CCDC83: variants seen among roughly 807,000 people sequenced by gnomAD.
CCDC83 encodes the protein coiled-coil domain-containing protein 83.
Under a neutral mutation model 50.1 loss-of-function variants are expected in CCDC83, and 54 were observed. That is an observed-to-expected ratio of 1.08 (90% CI 0.87 to 1.35). CCDC83 has a LOEUF of 1.35. Among genes scored for constraint, CCDC83 ranks in the 40% most tolerant of loss-of-function variants. CCDC83 has a pLI of 0.00. For missense variants in CCDC83, 518 were observed against 473.9 expected (o/e 1.09, Z -0.86); for synonymous variants, 161 against 153.3 (o/e 1.05, Z -0.37).
intron 2 of CCDC83, among the ~76,000 whole-genome samples, chr11:85,869,986 G>A (rs2093228218): frequency 6.6e-6 from 1 of 152,168 alleles, no homozygotes; most frequent in African/African-American, 2.4e-5. Flanking sequence ...TCCCCACTGA[G>A]GCCTGCTGCT....
intron 2 of CCDC83, among the ~76,000 whole-genome samples, chr11:85,867,701 C>T (rs2093215455): frequency 6.6e-6 from 1 of 152,188 alleles, no homozygotes; most frequent in Admixed American, 6.5e-5. Flanking sequence ...TGGTGACATC[C>T]AGTTAACAGC....
At chr11:85,897,837 T>G (rs1324535727) in intron 6 of CCDC83, among the ~76,000 whole-genome samples, 1 of 152,148 alleles carries the variant, frequency 6.6e-6, no homozygotes, top group Non-Finnish European at 1.5e-5. Flanking sequence ...CAGAAAAATT[T>G]TTATGGCAAA....
rs565646989 is a variant in CCDC83, at chr11:85,916,437, T to C, written c.1080+204T>C. The stretch of plus-strand genomic sequence containing the variant: ...CCAATTTGCTACCTATATTCCTCTA[T>C]AGGCCTCCATTAATAGTATACAAAG... On this transcript the variant is annotated intron_variant, in intron 10 of 10. Transcript: ENST00000342404. 9.0e-6 allele frequency: 5 copies of C among 554,726 alleles called. No individual in the cohort carries two copies. In the Admixed American group the frequency reaches 9.9e-5, roughly 11 times the overall value. The allele number at this position is 554,726 out of a possible 1,614,324, so 34.4% of individuals were successfully genotyped here. A position where few individuals can be genotyped will look rare whatever the true frequency, so the allele number is the denominator to read the frequency against.
At chr11:85,894,328 T>C (rs1303708967) in intron 5 of CCDC83, among the ~76,000 whole-genome samples, 2 of 152,172 alleles carry the variant, frequency 1.3e-5, no homozygotes, top group East Asian at 1.9e-4. Flanking sequence ...TATGGGAAAA[T>C]ACTTTCTGAA....
At chr11:85,885,009 G>A (rs1049135544) in intron 4 of CCDC83, among the ~76,000 whole-genome samples, 6 of 152,128 alleles carry the variant, frequency 3.9e-5, no homozygotes, top group Admixed American at 6.6e-5. Context: ...TCAGGAGTTC[G>A]AGACCAGCCT....
intron 8 of CCDC83, chr11:85,912,660 T>A: frequency 6.2e-7 from 1 of 1,603,396 alleles, no homozygotes. Context: ...TATCCAGTGC[T>A]ACATTCCTGT....
intron 5 of CCDC83, among the ~76,000 whole-genome samples, chr11:85,894,585 A>T (rs2093364165): frequency 6.6e-6 from 1 of 152,166 alleles, no homozygotes; most frequent in African/African-American, 2.4e-5. Context: ...CCTCATACAC[A>T]TCACCACCTG....
In CCDC83 at chr11:85,898,967, C is replaced by T. The variant is rs142469733; in HGVS notation, c.624C>T (p.Asp208=). 6.2e-6 allele frequency: 10 copies of T among 1,612,090 alleles called. No homozygotes were observed. Among genetic ancestry groups the T allele is most frequent in the Non-Finnish European group, 8.5e-6 (10 of 1,178,794 alleles). ...TTTAGAATGCTGTAAAGCTCATTGA[C>T]AAGGGCAGTTATCTAGAGATCTGGG... The part of the protein sequence containing the change: ...WATQNAVKLI[D]KGSYLEIWEN... The change falls in exon 7 of 11, where the codon GAC becomes GAT. Residue 208 remains aspartate, a synonymous_variant. Transcript: ENST00000342404.
chr11:85,860,073 G>A (rs960202952), intron 1 of CCDC83, among the ~76,000 whole-genome samples: 7 of 152,128 alleles, frequency 4.6e-5, no homozygotes, highest in Non-Finnish European at 8.8e-5. Context: ...CAGATCACAA[G>A]GTCAGGAGAT....
chr11:85,895,530 A>G, intron 6 of CCDC83, 146 bp downstream of exon 6: 1 of 547,510 alleles, frequency 1.8e-6, no homozygotes, highest in South Asian at 2.6e-5. Context: ...CATAATATTA[A>G]AAGTTTTGAA....
At chr11:85,900,809 A>G (rs2093397706) in intron 7 of CCDC83, among the ~76,000 whole-genome samples, 1 of 152,178 alleles carries the variant, frequency 6.6e-6, no homozygotes, top group African/African-American at 2.4e-5. Flanking sequence ...TCACACCTCT[A>G]ATCCCAGCAC....
chr11:85,890,214 T>C (rs990911156), intron 5 of CCDC83, among the ~76,000 whole-genome samples: 2 of 152,298 alleles, frequency 1.3e-5, no homozygotes, highest in Middle Eastern at 3.4e-3. Flanking sequence ...AGGGAGTAAG[T>C]GGCTGAGGAG....
intron 7 of CCDC83, among the ~76,000 whole-genome samples, chr11:85,909,067 G>A (rs574248215): frequency 4.5e-4 from 68 of 152,218 alleles, no homozygotes; most frequent in Middle Eastern, 3.4e-3. Context: ...TCAAGTAGTG[G>A]GGACTACAGG....
chr11:85,918,078 T>C (rs1369894101), intron 10 of CCDC83: 1 of 152,202 alleles, frequency 6.6e-6, no homozygotes, highest in Non-Finnish European at 1.5e-5. Flanking sequence ...ATTATATGTA[T>C]TTTGAGAAAT....
In CCDC83 at chr11:85,894,989, T is replaced by C. The variant is rs1259877492; in HGVS notation, c.512-304T>C. Among the ~76,000 whole-genome samples, 3 of 152,218 alleles carry C rather than the reference T, an allele frequency of 2.0e-5. No homozygotes were observed. The East Asian group carries it at 5.8e-4, about 29-fold the overall frequency. On this transcript the variant is annotated intron_variant, in intron 5 of 10. Coordinates refer to ENST00000342404, the MANE Select transcript of CCDC83 (RefSeq NM_001286159.2). ...ATCCTGTGCTTCATTTCTGTCTGTA[T>C]TTCTCACCTGAGCCTAACTTATAAC... is the stretch of plus-strand genomic sequence containing the variant.
chr11:85,897,313 C>G (rs1422213423), intron 6 of CCDC83, among the ~76,000 whole-genome samples: 1 of 152,152 alleles, frequency 6.6e-6, no homozygotes, highest in Non-Finnish European at 1.5e-5. Flanking sequence ...GTGGGAGAAT[C>G]GAGATTCATT....
At position 85,882,732 on chromosome 11, in the gene CCDC83, T is replaced by C. The variant is rs1476530207; in HGVS notation, c.343+57T>C. On this transcript the variant is annotated intron_variant, in intron 4 of 10. Coordinates refer to ENST00000342404, the MANE Select transcript of CCDC83 (RefSeq NM_001286159.2). Reference sequence around the variant, plus strand: ...GTTGTGCCAAGTTATTTCTTGAATATATTAATGCTTTATTCTTCCAATATG... The same window carrying C: ...GTTGTGCCAAGTTATTTCTTGAATACATTAATGCTTTATTCTTCCAATATG... 6.2e-6 allele frequency: 9 copies of C among 1,459,508 alleles called. No homozygotes were observed. The East Asian group carries it at 1.6e-4, about 26-fold the overall frequency. 90.4% of individuals were successfully genotyped at this position (1,459,508 alleles called of 1,614,324 possible). A position where few individuals can be genotyped will look rare whatever the true frequency, so the allele number is the denominator to read the frequency against.
upstream of CCDC83, chr11:85,855,291 TC>T: frequency 6.6e-6 from 1 of 152,540 alleles, no homozygotes; most frequent in Non-Finnish European, 1.5e-5. Context: ...TTTATAAGCT[TC>T]CCCCCGACCA....
In CCDC83 at chr11:85,873,228, A is replaced by C. The variant is rs1360274880; in HGVS notation, c.113A>C (p.Asp38Ala). 3.2e-6 allele frequency: 5 copies of C among 1,552,290 alleles called. No individual in the cohort carries two copies. Among genetic ancestry groups the C allele is most frequent in the Non-Finnish European group, 4.4e-6 (5 of 1,145,258 alleles). The change falls in exon 3 of 11, where the codon GAT becomes GCT. Residue 38 changes from aspartate to alanine, a missense_variant. Physicochemically the swap from Asp to Ala is moderately radical, Grantham distance 126. Transcript: ENST00000342404. ...ATTCTCAGATGTCAAATAAAGGAAG[A>C]TGCCGTGGAGCAATTCATGTTTCAA... ...LLDYQCQIKE[D>A]AVEQFMFQIK...
Sources: allele counts gnomAD v4.1 joint callset (sites outside exome capture counted in the v4.1 genomes callset), GRCh38; gene constraint gnomAD v4.1.1; transcripts MANE v1.5; gene names NCBI Gene and HGNC (gene_info 2026-07-23, HGNC 2026-07-21).